The following ACP3 variants were observed in gnomAD, a reference collection of about 807,000 sequenced individuals.
The protein encoded by ACP3 is prostatic acid phosphatase.
ACP3 carries 38 observed loss-of-function variants against 45.6 expected under a neutral mutation model. The ratio of observed to expected loss-of-function variants is 0.83; its 90% CI spans 0.64 to 1.09. ACP3 has a LOEUF of 1.09. Ranked by LOEUF, ACP3 falls within the 50% of genes least tolerant of loss-of-function variation. The probability of loss-of-function intolerance (pLI) is 0.00; values close to 1 mark genes in which losing one functional copy is unlikely to be tolerated. For synonymous variants in ACP3, 162 were observed against 164.7 expected (o/e 0.98, Z 0.13); for missense variants, 466 against 463.2 (o/e 1.01, Z -0.05).
intron 7 of ACP3, among the ~76,000 whole-genome samples, chr3:132,349,203 T>C (rs1239762898): frequency 1.3e-5 from 2 of 152,202 alleles, no homozygotes; most frequent in Non-Finnish European, 2.9e-5. Context: ...GTAAGCTCTA[T>C]ATCTGTCTTT....
Position 132,317,547 on chromosome 3 carries a change from C to A in ACP3, c.91C>A (p.Leu31Ile). The change falls in exon 1 of 10, where the codon CTA becomes ATA. Residue 31 changes from leucine (L) to isoleucine (I), a missense_variant. Transcript: ENST00000336375. ...TTTTTTCTGGCTAGACCGAAGTGTA[C>A]TAGCCAAGGAGTTGAAGTTTGTGAC... ...LLFFWLDRSV[L>I]AKELKFVTLV... 6.2e-7 allele frequency: 1 copy of A among 1,613,132 alleles called. No homozygotes were observed. Among genetic ancestry groups the A allele is most frequent in the Non-Finnish European group, 8.5e-7 (1 of 1,179,548 alleles).
intron 4 of ACP3, among the ~76,000 whole-genome samples, chr3:132,337,063 GGTGTGTGTGTGTGTGTGTGTGT>G (rs113543420): frequency 1.3e-4 from 19 of 144,996 alleles, no homozygotes; most frequent in African/African-American, 4.9e-4. Flanking sequence ...CATGCGTTGG[GGTGTGTGTGTGTGTGTGTGTGT>G]GTGTGTGTGT....
intron 4 of ACP3, among the ~76,000 whole-genome samples, chr3:132,336,624 G>A (rs1937495539): frequency 6.6e-6 from 1 of 152,142 alleles, no homozygotes; most frequent in Non-Finnish European, 1.5e-5. Context: ...AAGTCAGTTG[G>A]GGAGTGTTCA....
chr3:132,367,727 G>T (rs2107826418), exon 11 of ACP3: 2 of 1,613,256 alleles, frequency 1.2e-6, no homozygotes, highest in Non-Finnish European at 1.7e-6. Flanking sequence ...CTTTGCTGTT[G>T]CCTTTTGCCT....
intron 1 of ACP3, among the ~76,000 whole-genome samples, chr3:132,325,855 T>A (rs1937289672): frequency 6.6e-6 from 1 of 152,176 alleles, no homozygotes. Flanking sequence ...AAGCTAAACT[T>A]CCTCATTTGT....
At chr3:132,352,453 C>T (rs1208092841) in intron 8 of ACP3, among the ~76,000 whole-genome samples, 1 of 151,802 alleles carries the variant, frequency 6.6e-6, no homozygotes, top group Non-Finnish European at 1.5e-5. Context: ...CTGCCTCGGG[C>T]TCCCAAAGTG....
rs936284340 is a variant in ACP3, at chr3:132,345,078, G to A, written c.781+19G>A. ...CAAGGGGGTAAGTATTAAAAAATGA[G>A]AGGAGCATATTGGATTTGTGGTTGA... is the stretch of plus-strand genomic sequence containing the variant. On this transcript the variant is annotated intron_variant, in intron 7 of 9. Transcript: ENST00000336375. 23 of 1,606,078 alleles carry A rather than the reference G, an allele frequency of 1.4e-5. No homozygotes were observed. The highest frequency in any genetic ancestry group is 1.7e-5 in the Non-Finnish European group (20 of 1,175,180).
chr3:132,353,084 G>A (rs1937796560), intron 9 of ACP3, among the ~76,000 whole-genome samples: 1 of 152,042 alleles, frequency 6.6e-6, no homozygotes, highest in Non-Finnish European at 1.5e-5. Context: ...AAAAAATTAA[G>A]GTATTCTAAG....
chr3:132,353,580 G>A (rs547682073), intron 9 of ACP3, among the ~76,000 whole-genome samples: 27 of 152,308 alleles, frequency 1.8e-4, no homozygotes, highest in Admixed American at 3.3e-4. Context: ...AGCAAGGAAA[G>A]GGCTGAGTTA....
intron 8 of ACP3, 127 bp from the exon 9 acceptor site, chr3:132,352,593 T>G (rs1439449246): frequency 5.9e-6 from 4 of 673,428 alleles, no homozygotes; most frequent in East Asian, 2.7e-5. Context: ...CCTTCTCTAC[T>G]TATTAAGTCA....
At position 132,356,756 on chromosome 3, in the gene ACP3, T is replaced by C; in HGVS notation, c.1039T>C (p.Cys347Arg). The change falls in exon 10 of 10, where the codon TGC (cysteine) becomes CGC (arginine). Residue 347 changes from cysteine to arginine, a missense_variant. Transcript: ENST00000336375. The part of the protein sequence containing the change: ...HEPYPLMLPG[C>R]SPSCPLERFA... ...GCCGTATCCCCTCATGCTACCTGGCTGCAGCCCCAGCTGTCCTCTGGAGAG... is the reference window on the plus strand; with the variant it reads ...GCCGTATCCCCTCATGCTACCTGGCCGCAGCCCCAGCTGTCCTCTGGAGAG... 1 of 1,614,184 alleles carries C rather than the reference T, an allele frequency of 6.2e-7. No homozygotes were observed. Among genetic ancestry groups the C allele is most frequent in the Non-Finnish European group, 8.5e-7 (1 of 1,180,044 alleles).
chr3:132,359,632 C>T (rs539278419), downstream of ACP3, among the ~76,000 whole-genome samples: 5 of 152,288 alleles, frequency 3.3e-5, no homozygotes, highest in East Asian at 9.6e-4. Flanking sequence ...CTCCTTCATT[C>T]TCCATAGTCT....
Position 132,357,010 on chromosome 3 carries a change from A to AC in ACP3, c.*137dup. The AC allele has an allele frequency of 1.4e-6, 2 of 1,387,974 alleles. No homozygotes were observed. The highest frequency in any genetic ancestry group is 3.2e-5 in the Admixed American group (1 of 31,032). The allele number at this position is 1,387,974 out of a possible 1,614,324, so 86.0% of individuals were successfully genotyped here. On this transcript the variant is annotated 3_prime_UTR_variant, in exon 10 of 10. Coordinates refer to ENST00000336375, the MANE Select transcript of ACP3 (RefSeq NM_001099.5). ...TGGATGATTATTTTATGTTTTAGGG[A>AC]CCCCCAACCTCAGGCAATTCCTACC...
At chr3:132,338,505 C>G (rs184902130) in intron 5 of ACP3, among the ~76,000 whole-genome samples, 2 of 152,236 alleles carry the variant, frequency 1.3e-5, no homozygotes, top group Admixed American at 1.3e-4. Flanking sequence ...TAAATAGTTT[C>G]ACAAGAATAC....
intron 10 of ACP3, among the ~76,000 whole-genome samples, chr3:132,364,674 A>G (rs553793139): frequency 3.3e-5 from 5 of 152,336 alleles, no homozygotes; most frequent in African/African-American, 1.2e-4. Context: ...CCTGCTAGAC[A>G]TTGAGCTCCT....
chr3:132,333,071 C>T (rs531981926), intron 4 of ACP3, among the ~76,000 whole-genome samples: 1 of 152,230 alleles, frequency 6.6e-6, no homozygotes, highest in South Asian at 2.1e-4. Context: ...AAAAAAAATC[C>T]TGATGCCCAG....
chr3:132,361,904 G>A (rs561302799), downstream of ACP3, among the ~76,000 whole-genome samples: 33 of 152,194 alleles, frequency 2.2e-4, no homozygotes, highest in African/African-American at 7.5e-4. Context: ...GAATCTCTTG[G>A]CTAACTTCAC....
At chr3:132,330,685 C>G (rs1027620621) in intron 2 of ACP3, among the ~76,000 whole-genome samples, 7 of 152,124 alleles carry the variant, frequency 4.6e-5, no homozygotes, top group African/African-American at 1.7e-4. Context: ...AAGCAAATGA[C>G]AAGTGTGACA....
intron 7 of ACP3, among the ~76,000 whole-genome samples, chr3:132,349,418 C>A (rs915830800): frequency 6.6e-6 from 1 of 152,130 alleles, no homozygotes; most frequent in Admixed American, 6.5e-5. Context: ...CTGCTTTCTC[C>A]CATGGCCTCC....
Sources: gnomAD v4.1 joint callset for allele counts (sites outside exome capture counted in the v4.1 genomes callset) on GRCh38, gnomAD v4.1.1 for gene constraint, MANE v1.5 for transcripts, NCBI Gene and HGNC (gene_info 2026-07-23, HGNC 2026-07-21) for gene names.